ALCAM: variants seen among roughly 807,000 people sequenced by gnomAD.
ALCAM encodes the protein activated leukocyte cell adhesion molecule.
ALCAM carries 30 observed loss-of-function variants against 70.9 expected under a neutral mutation model. That is an observed-to-expected ratio of 0.42 (90% CI 0.32 to 0.57). The LOEUF (loss-of-function observed/expected upper bound fraction) is 0.57, where lower values mean the gene tolerates loss of function less well. Among genes scored for constraint, ALCAM ranks in the 20% least tolerant of loss-of-function variants. ALCAM has a pLI of 0.11. For synonymous variants in ALCAM, 249 were observed against 242.5 expected (o/e 1.03, Z -0.25); for missense variants, 591 against 695.1 (o/e 0.85, Z 1.68).
At chr3:105,490,794 G>T (rs1018791885) in intron 1 of ALCAM, among the ~76,000 whole-genome samples, 34 of 152,292 alleles carry the variant, frequency 2.2e-4, no homozygotes, top group African/African-American at 7.9e-4. Context: ...GCTTTGCAGG[G>T]TATGGCCCCC....
rs1043380577 is a variant in ALCAM, at chr3:105,575,990, C to T, written c.*1539C>T. On this transcript the variant is annotated 3_prime_UTR_variant, in exon 16 of 16. Transcript: ENST00000306107. Reference sequence around the variant, plus strand: ...CACTTCTGCATTATTTAGAAACATACGTTATTGTACATTTGTAAACCATTT... The same window carrying T: ...CACTTCTGCATTATTTAGAAACATATGTTATTGTACATTTGTAAACCATTT... 1.3e-4 allele frequency: 20 copies of T among 152,208 alleles called. No homozygotes were observed. Among genetic ancestry groups the T allele is most frequent in the South Asian group, 4.2e-4 (2 of 4,818 alleles). The allele number at this position is 152,208 out of a possible 1,614,324, so 9.4% of individuals were successfully genotyped here.
At chr3:105,480,169 G>A (rs1467948711) in intron 1 of ALCAM, among the ~76,000 whole-genome samples, 5 of 151,962 alleles carry the variant, frequency 3.3e-5, no homozygotes, top group African/African-American at 1.2e-4. Context: ...GGCCAACATG[G>A]TGAAACCCAG....
At chr3:105,376,143 T>G (rs1469817952) in intron 1 of ALCAM, among the ~76,000 whole-genome samples, 1 of 151,980 alleles carries the variant, frequency 6.6e-6, no homozygotes, top group Non-Finnish European at 1.5e-5. Flanking sequence ...GAGAATGAAT[T>G]CTGAAGGATT....
rs181069430 is a variant in ALCAM, at chr3:105,415,067, G to A, written c.73+47586G>A. ...GGCCTCCTCTGTTAAACAGTGTTTC[G>A]AATGACTTGTAAGTCTAGCAGCCTG... is the stretch of plus-strand genomic sequence containing the variant. On this transcript the variant is annotated intron_variant, in intron 1 of 15. Coordinates refer to ENST00000306107, the MANE Select transcript of ALCAM (RefSeq NM_001627.4). Among the ~76,000 whole-genome samples the A allele has an allele frequency of 3.9e-5, 6 of 152,176 alleles. No homozygotes were observed. The East Asian group carries it at 5.8e-4, about 15-fold the overall frequency.
intron 15 of ALCAM, among the ~76,000 whole-genome samples, chr3:105,572,969 C>T (rs1370145439): frequency 6.6e-6 from 1 of 152,132 alleles, no homozygotes; most frequent in African/African-American, 2.4e-5. Flanking sequence ...TCAGTAAGAA[C>T]AGATTCTAAT....
At chr3:105,390,939 G>T (rs1021644723) in intron 1 of ALCAM, among the ~76,000 whole-genome samples, 1 of 152,022 alleles carries the variant, frequency 6.6e-6, no homozygotes, top group African/African-American at 2.4e-5. Context: ...CTTCTGTTCT[G>T]TTCCATTGGT....
intron 1 of ALCAM, among the ~76,000 whole-genome samples, chr3:105,517,973 T>C (rs1006206262): frequency 1.3e-5 from 2 of 152,094 alleles, no homozygotes; most frequent in African/African-American, 4.8e-5. Context: ...ATCATGCCAA[T>C]ACACTATGTA....
At chr3:105,403,162 G>A (rs1936134061) in intron 1 of ALCAM, among the ~76,000 whole-genome samples, 2 of 151,984 alleles carry the variant, frequency 1.3e-5, no homozygotes, top group Non-Finnish European at 2.9e-5. Context: ...GGCCAGGCTG[G>A]TCTCGAATTC....
chr3:105,568,565 T>C (rs1197062623), intron 14 of ALCAM, among the ~76,000 whole-genome samples: 1 of 152,226 alleles, frequency 6.6e-6, no homozygotes, highest in Non-Finnish European at 1.5e-5. Context: ...CTAAGCTCTT[T>C]GAAATTTCTC....
intron 1 of ALCAM, among the ~76,000 whole-genome samples, chr3:105,481,590 T>C (rs1383574642): frequency 6.6e-6 from 1 of 152,180 alleles, no homozygotes; most frequent in Admixed American, 6.6e-5. Flanking sequence ...TTTTCTTATC[T>C]TTTATAAGAA....
At chr3:105,565,278 G>T (rs1940718235) in intron 14 of ALCAM, among the ~76,000 whole-genome samples, 1 of 152,028 alleles carries the variant, frequency 6.6e-6, no homozygotes, top group South Asian at 2.1e-4. Context: ...ACATATATTA[G>T]ACTGCTTGAA....
At chr3:105,536,669 G>A (rs1393058565) in intron 6 of ALCAM, among the ~76,000 whole-genome samples, 1 of 152,082 alleles carries the variant, frequency 6.6e-6, no homozygotes, top group Non-Finnish European at 1.5e-5. Flanking sequence ...GTGAAAACAC[G>A]AAGCACAAAG....
chr3:105,454,832 G>A lies in ALCAM; in HGVS notation c.74-65235G>A, dbSNP rs151218713. On this transcript the variant is annotated intron_variant, in intron 1 of 15. Coordinates refer to ENST00000306107, the MANE Select transcript of ALCAM (RefSeq NM_001627.4). ...TACAAGCACCACACCACAGCGCCCA[G>A]CTGATTTGTGTGTGTGTGTGTATTT... Among the ~76,000 whole-genome samples the A allele has an allele frequency of 1.3e-3, 204 of 151,542 alleles. 2 individuals are homozygous for A. Among genetic ancestry groups the A allele is most frequent in the African/African-American group, 4.4e-3 (184 of 41,350 alleles).
chr3:105,540,961 T>A (rs550307105), intron 7 of ALCAM, among the ~76,000 whole-genome samples: 2 of 152,010 alleles, frequency 1.3e-5, no homozygotes, highest in Non-Finnish European at 2.9e-5. Flanking sequence ...GAAGGAAAAT[T>A]TAAAACTAAT....
chr3:105,490,968 C>T (rs1404317619), intron 1 of ALCAM, among the ~76,000 whole-genome samples: 1 of 152,230 alleles, frequency 6.6e-6, no homozygotes, highest in Non-Finnish European at 1.5e-5. Flanking sequence ...CCCTTCTGCA[C>T]TGCCCTCGCA....
In ALCAM at chr3:105,503,510, A is replaced by G. The variant is rs191655664; in HGVS notation, c.74-16557A>G. On this transcript the variant is annotated intron_variant, in intron 1 of 15. Transcript: ENST00000306107. Reference sequence around the variant, plus strand: ...TTCATTCCCACTGCCCTATTTCACTATGAGTACATAACCTAAACACTTTAA... The same window carrying G: ...TTCATTCCCACTGCCCTATTTCACTGTGAGTACATAACCTAAACACTTTAA... Among the ~76,000 whole-genome samples, 11 of 152,206 alleles carry G rather than the reference A, an allele frequency of 7.2e-5. No homozygotes were observed. The East Asian group carries it at 2.1e-3, about 29-fold the overall frequency.
intron 1 of ALCAM, among the ~76,000 whole-genome samples, chr3:105,462,813 C>T (rs1342278673): frequency 2.0e-5 from 3 of 151,360 alleles, no homozygotes; most frequent in Non-Finnish European, 3.0e-5. Context: ...ACTTACAAAG[C>T]TTTCATTGCA....
At chr3:105,369,592 G>C (rs772286706) in intron 1 of ALCAM, among the ~76,000 whole-genome samples, 4 of 152,252 alleles carry the variant, frequency 2.6e-5, no homozygotes, top group African/African-American at 4.8e-5. Flanking sequence ...GACAGTAAGT[G>C]CGCCTTCTTC....
intron 14 of ALCAM, among the ~76,000 whole-genome samples, chr3:105,555,117 G>A (rs1940489590): frequency 6.6e-6 from 1 of 151,818 alleles, no homozygotes; most frequent in Admixed American, 6.6e-5. Flanking sequence ...TTAAAATGAT[G>A]GATAAATATA....
Sources: gnomAD v4.1 joint callset for allele counts (sites outside exome capture counted in the v4.1 genomes callset) on GRCh38, gnomAD v4.1.1 for gene constraint, MANE v1.5 for transcripts, NCBI Gene and HGNC (gene_info 2026-07-23, HGNC 2026-07-21) for gene names.